Variants in CDKL5 observed in about 807,000 individuals in gnomAD.
CDKL5 encodes cyclin-dependent kinase-like 5.
Under a neutral mutation model 61.7 loss-of-function variants are expected in CDKL5, and 8 were observed. The ratio of observed to expected loss-of-function variants is 0.13; its 90% CI spans 0.08 to 0.23. CDKL5 has a LOEUF of 0.23. CDKL5 is among the 10% of genes least tolerant of loss of function. The pLI is 1.00. For missense variants in CDKL5, 440 were observed against 734.5 expected (o/e 0.60, Z 4.63); for synonymous variants, 275 against 272.3 (o/e 1.01, Z -0.10).
chrX:18,647,378 A>C, intron 20 of CDKL5: 2 of 1,182,230 alleles, frequency 1.7e-6, no homozygotes, highest in Non-Finnish European at 2.3e-6. Context: ...CTCAATACTC[A>C]ACAAGCACCA....
intron 3 of CDKL5, among the ~76,000 whole-genome samples, chrX:18,521,528 G>T (rs1161284771): frequency 2.7e-5 from 3 of 111,082 alleles, no homozygotes; most frequent in African/African-American, 9.8e-5. Flanking sequence ...TTGAATTGTT[G>T]TTTGTACAGT....
intron 20 of CDKL5, among the ~76,000 whole-genome samples, chrX:18,648,173 GCA>G (rs908145993): frequency 1.8e-4 from 20 of 111,253 alleles, no homozygotes; most frequent in South Asian, 3.8e-4. Context: ...GCAGTGGCAG[GCA>G]CAGTGTCGAG....
chrX:18,495,925 C>T (rs1011670710), intron 1 of CDKL5, among the ~76,000 whole-genome samples: 3 of 112,073 alleles, frequency 2.7e-5, no homozygotes, highest in African/African-American at 9.7e-5. Context: ...TATTTATTGT[C>T]TATCTCCTTT....
At chrX:18,626,663 T>C (rs918794722) in intron 17 of CDKL5, 7 of 7,750 alleles carry the variant, frequency 9.0e-4, no homozygotes, top group African/African-American at 1.4e-3. Context: ...CAAGAAGCCC[T>C]CTCTCTCTCT....
chrX:18,555,516 T>G (rs2147125713), intron 3 of CDKL5, among the ~76,000 whole-genome samples: 1 of 112,137 alleles, frequency 8.9e-6, no homozygotes, highest in Non-Finnish European at 1.9e-5. Flanking sequence ...AATGAAGTTT[T>G]ATTTTTGGCA....
chrX:18,511,235 A>G (rs1922815191), intron 3 of CDKL5, among the ~76,000 whole-genome samples: 1 of 111,824 alleles, frequency 8.9e-6, no homozygotes, highest in Non-Finnish European at 1.9e-5. Context: ...GGATTTTTGA[A>G]TTAGGGATGC....
At chrX:18,589,989 A>G (rs1428315002) in intron 9 of CDKL5, among the ~76,000 whole-genome samples, 6 of 110,896 alleles carry the variant, frequency 5.4e-5, no homozygotes, top group Non-Finnish European at 1.1e-4. Context: ...GAGTAGTTTG[A>G]TTTTTTCTTG....
rs184582696 is a variant in CDKL5 at position 18,503,016 on chromosome X, G to A, written c.-162-3919G>A. ...TGCATTGACTATATAGATCAATATG[G>A]AAAGAATTGATACCTTTATAGTTTT... On this transcript the variant is annotated intron_variant, in intron 1 of 17. Transcript: ENST00000623535. 3.4e-3 allele frequency among the ~76,000 whole-genome samples: 380 copies of A among 111,993 alleles called. 4 individuals are homozygous for A. Among genetic ancestry groups the A allele is most frequent in the African/African-American group, 0.011 (353 of 30,902 alleles).
intron 3 of CDKL5, among the ~76,000 whole-genome samples, chrX:18,518,388 A>ATGTTTTTTTTTTTTTTTTT (rs1923112258): frequency 9.5e-5 from 2 of 21,160 alleles, no homozygotes; most frequent in South Asian, 5.5e-3. Context: ...TTCTTTTCTT[A>ATGTTTTTTTTTTTTTTTTT]TTTTTTTTTT....
Position 18,632,418 on chromosome X carries a change from A to C in CDKL5, c.*3661A>C. On this transcript the variant is annotated 3_prime_UTR_variant, in exon 18 of 18. Coordinates refer to ENST00000623535, the MANE Select transcript of CDKL5 (RefSeq NM_001323289.2). The stretch of plus-strand genomic sequence containing the variant: ...GCAAGCAACAGCCTGGCAGATTGGC[A>C]TGATTTTTACCAACTGCTCAAAGGC... 1.3e-6 allele frequency: 1 copy of C among 754,500 alleles called. No individual in the cohort carries two copies. Among genetic ancestry groups the C allele is most frequent in the Non-Finnish European group, 1.6e-6 (1 of 639,269 alleles). 62.2% of individuals were successfully genotyped at this position (754,500 alleles called of 1,213,427 possible). A position where few individuals can be genotyped will look rare whatever the true frequency, so the allele number is the denominator to read the frequency against.
Position 18,633,530 on chromosome X carries a change from G to A in CDKL5, c.*4773G>A, listed in dbSNP as rs1021765389. On this transcript the variant is annotated 3_prime_UTR_variant, in exon 18 of 18. Transcript: ENST00000623535. Reference sequence around the variant, plus strand: ...TCTTCCTTTTGCTTCTTGACCAGCTGAGATACAGAATATCTTGAGGTCTGG... The same window carrying A: ...TCTTCCTTTTGCTTCTTGACCAGCTAAGATACAGAATATCTTGAGGTCTGG... The A allele has an allele frequency of 1.3e-6, 1 of 752,642 alleles. No individual in the cohort carries two copies. Among genetic ancestry groups the A allele is most frequent in the Non-Finnish European group, 1.6e-6 (1 of 638,885 alleles). The allele number at this position is 752,642 out of a possible 1,213,427, so 62.0% of individuals were successfully genotyped here.
chrX:18,516,582 C>T (rs1057291824), intron 3 of CDKL5, among the ~76,000 whole-genome samples: 7 of 109,588 alleles, frequency 6.4e-5, no homozygotes, highest in South Asian at 4.0e-4. Flanking sequence ...GATAGGATCT[C>T]GCTATGTTGA....
intron 4 of CDKL5, among the ~76,000 whole-genome samples, chrX:18,573,542 C>T (rs1157091737): frequency 1.8e-5 from 2 of 112,189 alleles, no homozygotes; most frequent in Admixed American, 9.4e-5. Flanking sequence ...GGGATGTCCC[C>T]GATTGCATCT....
At chrX:18,591,962 A>G (rs886302355) in intron 9 of CDKL5, among the ~76,000 whole-genome samples, 2 of 112,454 alleles carry the variant, frequency 1.8e-5, no homozygotes, top group African/African-American at 6.5e-5. Context: ...ATGAACTGTT[A>G]TGTTCACCAT....
rs976764347 is a variant in CDKL5 at position 18,634,091 on chromosome X, C to T, written c.*5334C>T. On this transcript the variant is annotated 3_prime_UTR_variant, in exon 18 of 18. Transcript: ENST00000623535. ...TTAAGCTCTCGAAACCCCATTTGAT[C>T]CTTGGTTCCTATTTCGATCCTCCTT... is the stretch of plus-strand genomic sequence containing the variant. 2.7e-6 allele frequency: 2 copies of T among 752,146 alleles called. No individual in the cohort carries two copies. Among genetic ancestry groups the T allele is most frequent in the African/African-American group, 4.6e-5 (2 of 43,070 alleles). The allele number at this position is 752,146 out of a possible 1,213,427, so 62.0% of individuals were successfully genotyped here. A position where few individuals can be genotyped will look rare whatever the true frequency, so the allele number is the denominator to read the frequency against.
At chrX:18,503,100 TAA>T (rs1922446571) in intron 1 of CDKL5, among the ~76,000 whole-genome samples, 1 of 112,645 alleles carries the variant, frequency 8.9e-6, no homozygotes. Context: ...ATGTCTTGAG[TAA>T]AGTTACATAT....
intron 3 of CDKL5, among the ~76,000 whole-genome samples, chrX:18,516,113 G>A (rs1261636294): frequency 1.8e-5 from 2 of 109,778 alleles, no homozygotes; most frequent in Non-Finnish European, 3.8e-5. Context: ...TCAGCCTTCC[G>A]AGTATCTGGG....
chrX:18,624,837 C>G (rs140497188), intron 16 of CDKL5, among the ~76,000 whole-genome samples: 1 of 111,853 alleles, frequency 8.9e-6, no homozygotes, highest in Non-Finnish European at 1.9e-5. Context: ...CTCTCTCTTA[C>G]AGCGACTAAA....
intron 3 of CDKL5, among the ~76,000 whole-genome samples, chrX:18,534,102 C>G (rs766178065): frequency 1.8e-5 from 2 of 112,055 alleles, no homozygotes; most frequent in Non-Finnish European, 3.8e-5. Context: ...TGCCTACTAC[C>G]TGGTAACCTC....
Sources: gnomAD v4.1 joint callset for allele counts (sites outside exome capture counted in the v4.1 genomes callset) on GRCh38, gnomAD v4.1.1 for gene constraint, MANE v1.5 for transcripts, NCBI Gene and HGNC (gene_info 2026-07-23, HGNC 2026-07-21) for gene names.